The following TNFSF18 variants were observed in gnomAD, a reference collection of about 807,000 sequenced individuals.
TNFSF18 encodes TNF superfamily member 18, also known as tumor necrosis factor ligand superfamily member 18.
Under a neutral mutation model 9.6 loss-of-function variants are expected in TNFSF18, and 6 were observed. The observed-to-expected ratio is 0.63, with a 90% CI of 0.34 to 1.24. TNFSF18 has a LOEUF of 1.24. TNFSF18 is among the 50% of genes most tolerant of loss of function. The pLI is 0.03. For missense variants in TNFSF18, 210 were observed against 201.0 expected (o/e 1.04, Z -0.27); for synonymous variants, 68 against 71.7 (o/e 0.95, Z 0.26).
intron 1 of TNFSF18, among the ~76,000 whole-genome samples, chr1:173,048,347 T>C (rs2101928485): frequency 6.6e-6 from 1 of 152,350 alleles, no homozygotes; most frequent in Admixed American, 6.5e-5. Flanking sequence ...TAGATTTACG[T>C]AGTTCGGCTC....
intron 1 of TNFSF18, among the ~76,000 whole-genome samples, chr1:173,047,281 C>CA (rs1325350279): frequency 2.0e-5 from 3 of 152,152 alleles, no homozygotes. Context: ...AGGGACGTGA[C>CA]AAAGACTCCC....
intron 2 of TNFSF18, 110 bp from the exon 3 acceptor site, chr1:173,041,823 T>TACCGA: frequency 4.8e-6 from 4 of 835,042 alleles, no homozygotes; most frequent in Non-Finnish European, 6.8e-6. Flanking sequence ...TTTCTTTACC[T>TACCGA]GATCTACACT....
At position 173,041,267 on chromosome 1, in the gene TNFSF18, G is replaced by T. The variant is rs771855907; in HGVS notation, c.*100C>A. Reference sequence around the variant, plus strand: ...AGGAGTTCTGTTTGTGTTGATTTTTGTAGACAGACAAACTCTAGAAATTGA... The same window carrying T: ...AGGAGTTCTGTTTGTGTTGATTTTTTTAGACAGACAAACTCTAGAAATTGA... On this transcript the variant is annotated 3_prime_UTR_variant, in exon 3 of 3. Coordinates refer to ENST00000404377, the MANE Select transcript of TNFSF18 (RefSeq NM_005092.4). 7.0e-6 allele frequency: 7 copies of T among 999,244 alleles called. No homozygotes were observed. Among genetic ancestry groups the T allele is most frequent in the Non-Finnish European group, 1.0e-5 (7 of 683,022 alleles). 61.9% of individuals were successfully genotyped at this position (999,244 alleles called of 1,614,324 possible).
chr1:173,046,539 A>G (rs78508736), intron 1 of TNFSF18, among the ~76,000 whole-genome samples: 3,486 of 152,292 alleles, frequency 0.023, 124 homozygotes, highest in African/African-American at 0.08. Context: ...AGATTAAAAA[A>G]TAAAATAAAT....
At chr1:173,041,821 C>T (rs1665000114) in intron 2 of TNFSF18, 108 bp from the exon 3 acceptor site, 2 of 1,037,502 alleles carry the variant, frequency 1.9e-6, no homozygotes, top group South Asian at 1.7e-5. Context: ...TGTTTCTTTA[C>T]CTGATCTACA....
chr1:173,041,815 T>TAATGATA, intron 2 of TNFSF18, 102 bp from the exon 3 acceptor site: 1 of 1,028,476 alleles, frequency 9.7e-7, no homozygotes, highest in Non-Finnish European at 1.4e-6. Context: ...ACATGTTGTT[T>TAATGATA]CTTTACCTGA....
chr1:173,045,893 C>T (rs1665073640), intron 1 of TNFSF18, among the ~76,000 whole-genome samples: 1 of 152,058 alleles, frequency 6.6e-6, no homozygotes, highest in Non-Finnish European at 1.5e-5. Context: ...ACACAAATGC[C>T]AATGAGTTGT....
At chr1:173,045,961 G>A (rs1055995875) in intron 1 of TNFSF18, among the ~76,000 whole-genome samples, 16 of 152,114 alleles carry the variant, frequency 1.1e-4, no homozygotes, top group East Asian at 1.9e-4. Context: ...TGGAGGCAAC[G>A]TTATCAGTGG....
At chr1:173,047,853 C>A (rs1665107918) in intron 1 of TNFSF18, among the ~76,000 whole-genome samples, 1 of 152,114 alleles carries the variant, frequency 6.6e-6, no homozygotes, top group Non-Finnish European at 1.5e-5. Flanking sequence ...ATTGCAAAAT[C>A]ATAAATTTGG....
rs780134046 is a variant in TNFSF18 at position 173,043,934 on chromosome 1, C to T, written c.187+5G>A. 6 of 1,611,908 alleles carry T rather than the reference C, an allele frequency of 3.7e-6. No individual in the cohort carries two copies. The South Asian group carries it at 6.6e-5, about 18-fold the overall frequency. ...AGTAAAAGACATGCAAGATAGGTTA[C>T]TCACCAAACTTAGCCATACAGGGCT... On this transcript the variant is annotated splice_donor_5th_base_variant and intron_variant, in intron 2 of 2. Transcript: ENST00000404377.
rs778997031 is a variant in TNFSF18, at chr1:173,050,740, C to T, written c.156+1G>A. ...AACCTTAGGTACAATTGCCTCCTTA[C>T]CTCTAATTGGAGAAAAATAAAGATT... On this transcript the variant is annotated splice_donor_variant, in intron 1 of 2. Transcript: ENST00000404377. LOFTEE classifies it high-confidence loss of function. 1 of 1,593,976 alleles carries T rather than the reference C, an allele frequency of 6.3e-7. No individual in the cohort carries two copies. Among genetic ancestry groups the T allele is most frequent in the African/African-American group, 1.3e-5 (1 of 74,496 alleles).
intron 1 of TNFSF18, among the ~76,000 whole-genome samples, chr1:173,046,470 G>A (rs1229971192): frequency 6.6e-6 from 1 of 152,118 alleles, no homozygotes; most frequent in African/African-American, 2.4e-5. Flanking sequence ...TCAAAATCAT[G>A]AAACAAGGTA....
chr1:173,049,019 A>G (rs1189608250), intron 1 of TNFSF18, among the ~76,000 whole-genome samples: 1 of 152,218 alleles, frequency 6.6e-6, no homozygotes, highest in Admixed American at 6.5e-5. Context: ...AACATTTTAT[A>G]CTTCCCCAAA....
intron 1 of TNFSF18, among the ~76,000 whole-genome samples, chr1:173,046,457 T>C (rs1345232144): frequency 2.6e-5 from 4 of 152,198 alleles, no homozygotes; most frequent in Non-Finnish European, 4.4e-5. Flanking sequence ...TCAGTCATGA[T>C]GGTCAAAATC....
intron 1 of TNFSF18, 140 bp downstream of exon 1, chr1:173,050,601 G>C: frequency 1.6e-6 from 1 of 638,984 alleles, no homozygotes; most frequent in Non-Finnish European, 2.7e-6. Context: ...GACAATATTA[G>C]AATTGTATTT....
Position 173,043,826 on chromosome 1 carries a change from T to C in TNFSF18, c.187+113A>G, listed in dbSNP as rs1665030145. The C allele has an allele frequency of 1.2e-5, 12 of 1,015,174 alleles. No homozygotes were observed. In the South Asian group the frequency reaches 1.3e-4, roughly 11 times the overall value. 62.9% of individuals were successfully genotyped at this position (1,015,174 alleles called of 1,614,324 possible). A position where few individuals can be genotyped will look rare whatever the true frequency, so the allele number is the denominator to read the frequency against. On this transcript the variant is annotated intron_variant, in intron 2 of 2. Transcript: ENST00000404377. ...CCAGTACATGATAAGTAATTATACA[T>C]AGTAGCTCAGAAATGAATAAAAGAA... is the stretch of plus-strand genomic sequence containing the variant.
intron 2 of TNFSF18, among the ~76,000 whole-genome samples, chr1:173,042,462 A>C (rs768163595): frequency 6.6e-6 from 1 of 152,080 alleles, no homozygotes. Context: ...TGTTCTCCTC[A>C]GTTTGTAGGT....
Position 173,040,629 on chromosome 1 carries a change from G to A in TNFSF18, c.*738C>T, listed in dbSNP as rs1348536470. On this transcript the variant is annotated 3_prime_UTR_variant, in exon 3 of 3. Transcript: ENST00000404377. ...ATACCATTCTGGGGTTAAACCTAAT[G>A]ATTACTAATGGTTACTCTTTCTTTA... The A allele has an allele frequency of 1.3e-5, 2 of 152,104 alleles. No homozygotes were observed. Among genetic ancestry groups the A allele is most frequent in the Non-Finnish European group, 2.9e-5 (2 of 68,012 alleles). 9.4% of individuals were successfully genotyped at this position (152,104 alleles called of 1,614,324 possible). A position where few individuals can be genotyped will look rare whatever the true frequency, so the allele number is the denominator to read the frequency against.
Position 173,044,255 on chromosome 1 carries a change from A to G in TNFSF18, c.157-286T>C, listed in dbSNP as rs959131828. On this transcript the variant is annotated intron_variant, in intron 1 of 2. Transcript: ENST00000404377. ...CTACAGGACAACTATTTGATATCGG[A>G]CCCCCCCCCCAACCTTGGGCTCTAA... 4.6e-4 allele frequency among the ~76,000 whole-genome samples: 65 copies of G among 141,362 alleles called. 1 individual carries two copies. In the South Asian group the frequency reaches 0.014, roughly 30 times the overall value. 92.7% of individuals were successfully genotyped at this position (141,362 alleles called of 152,430 possible).
Sources: allele counts gnomAD v4.1 joint callset (sites outside exome capture counted in the v4.1 genomes callset), GRCh38; gene constraint gnomAD v4.1.1; transcripts MANE v1.5; gene names NCBI Gene and HGNC (gene_info 2026-07-23, HGNC 2026-07-21).